Variants in PRKN observed in about 807,000 individuals in gnomAD.
PRKN encodes parkin RBR E3 ubiquitin protein ligase, also known as E3 ubiquitin-protein ligase parkin.
A neutral mutation model predicts 59.5 loss-of-function variants in PRKN; 56 were observed. That is an observed-to-expected ratio of 0.94 (90% CI 0.76 to 1.18). PRKN has a LOEUF of 1.18. PRKN is among the 50% of genes most tolerant of loss of function. The pLI is 0.00. For synonymous variants in PRKN, 250 were observed against 222.1 expected (o/e 1.13, Z -1.12); for missense variants, 657 against 596.4 (o/e 1.10, Z -1.06).
chr6:162,585,848 C>T (rs1043743492), intron 1 of PRKN, among the ~76,000 whole-genome samples: 25 of 151,724 alleles, frequency 1.6e-4, no homozygotes, highest in Non-Finnish European at 3.1e-4. Flanking sequence ...ATTACAGGCG[C>T]GTGCCACCAT....
intron 7 of PRKN, among the ~76,000 whole-genome samples, chr6:161,702,320 C>T (rs1255919500): frequency 6.6e-6 from 1 of 152,146 alleles, no homozygotes; most frequent in Non-Finnish European, 1.5e-5. Flanking sequence ...ACTGGATCTG[C>T]AGCAGCCCAT....
intron 7 of PRKN, among the ~76,000 whole-genome samples, chr6:161,671,387 G>A (rs938858586): frequency 3.3e-5 from 5 of 152,146 alleles, no homozygotes; most frequent in South Asian, 2.1e-4. Context: ...CACTGCAACC[G>A]GCTGCATTGT....
chr6:161,875,608 C>A (rs1233895070), intron 6 of PRKN, among the ~76,000 whole-genome samples: 1 of 152,082 alleles, frequency 6.6e-6, no homozygotes, highest in Non-Finnish European at 1.5e-5. Context: ...GCAGTCCTCA[C>A]AAATCTCCCT....
chr6:162,557,123 C>G (rs1375772056), intron 1 of PRKN, among the ~76,000 whole-genome samples: 1 of 152,226 alleles, frequency 6.6e-6, no homozygotes, highest in East Asian at 1.9e-4. Flanking sequence ...GAAAGCTGAA[C>G]AATTCCTTTT....
intron 1 of PRKN, among the ~76,000 whole-genome samples, chr6:162,667,453 AG>A (rs1159050475): frequency 6.6e-6 from 1 of 152,130 alleles, no homozygotes; most frequent in African/African-American, 2.4e-5. Context: ...AATGATAAAA[AG>A]GATGCAAATT....
chr6:162,302,203 G>A (rs1329434427), intron 2 of PRKN, among the ~76,000 whole-genome samples: 2 of 152,020 alleles, frequency 1.3e-5, no homozygotes, highest in African/African-American at 4.8e-5. Flanking sequence ...CCTCACACCT[G>A]AAAGAGCACG....
At chr6:161,418,828 T>C (rs1016607311) in intron 9 of PRKN, among the ~76,000 whole-genome samples, 17 of 152,344 alleles carry the variant, frequency 1.1e-4, no homozygotes, top group African/African-American at 3.8e-4. Flanking sequence ...ACCATGTTTG[T>C]ACCTCAGATC....
At chr6:162,298,492 C>T (rs1354916899) in intron 2 of PRKN, among the ~76,000 whole-genome samples, 1 of 151,974 alleles carries the variant, frequency 6.6e-6, no homozygotes, top group Non-Finnish European at 1.5e-5. Context: ...TCTGAACTGA[C>T]ACACCCTGGA....
At chr6:162,480,809 ATTCTC>A (rs1177172411) in intron 1 of PRKN, among the ~76,000 whole-genome samples, 1 of 151,746 alleles carries the variant, frequency 6.6e-6, no homozygotes, top group African/African-American at 2.4e-5. Flanking sequence ...ATTTTAACTG[ATTCTC>A]TTTTTTTTTA....
rs184167619 is a variant in PRKN at position 161,869,581 on chromosome 6, C to G, written c.735-83673G>C. Among the ~76,000 whole-genome samples the G allele has an allele frequency of 3.3e-5, 5 of 152,176 alleles. No homozygotes were observed. In the East Asian group the frequency reaches 9.7e-4, roughly 29 times the overall value. On this transcript the variant is annotated intron_variant, in intron 6 of 11. Coordinates refer to ENST00000366898, the MANE Select transcript of PRKN (RefSeq NM_004562.3). Reference sequence around the variant, plus strand: ...TTAAAACGAATGCATCACCTAGAAGCCACATCACCCCGCTTCAACTCAGAC... The same window carrying G: ...TTAAAACGAATGCATCACCTAGAAGGCACATCACCCCGCTTCAACTCAGAC...
At chr6:162,716,428 G>A (rs1188929849) in intron 1 of PRKN, among the ~76,000 whole-genome samples, 1 of 152,186 alleles carries the variant, frequency 6.6e-6, no homozygotes, top group East Asian at 1.9e-4. Context: ...ACAGGACAAT[G>A]TTAAACTATT....
chr6:162,320,314 A>G (rs1469540632), intron 2 of PRKN, among the ~76,000 whole-genome samples: 1 of 140,400 alleles, frequency 7.1e-6, no homozygotes, highest in African/African-American at 2.6e-5. Flanking sequence ...TCCTTTGGGT[A>G]GATACCCAGT....
At chr6:162,383,654 T>C (rs1055997517) in intron 2 of PRKN, among the ~76,000 whole-genome samples, 32 of 152,152 alleles carry the variant, frequency 2.1e-4, no homozygotes, top group Non-Finnish European at 1.5e-5. Flanking sequence ...CCAGGTACAT[T>C]TGCCCTTCAC....
rs1197520335 is a variant in PRKN, at chr6:162,262,759, C to T, written c.178G>A (p.Asp60Asn). ...TGAACAATGCTCTGCTGATCCAGGT[C>T]ACAATTCTGTTTGGGAGCAAGGTAA... ...LRNDWTVQNCDLDQQSIVHIV... is the reference protein window; with the variant it reads ...LRNDWTVQNCNLDQQSIVHIV... The change falls in exon 3 of 12, where the codon GAC becomes AAC. Residue 60 changes from aspartate to asparagine, a missense_variant. Transcript: ENST00000366898. 6.7e-7 allele frequency: 1 copy of T among 1,494,576 alleles called. No homozygotes were observed. The highest frequency in any genetic ancestry group is 9.2e-7 in the Non-Finnish European group (1 of 1,086,196). 92.6% of individuals were successfully genotyped at this position (1,494,576 alleles called of 1,614,324 possible).
intron 7 of PRKN, among the ~76,000 whole-genome samples, chr6:161,715,020 C>A (rs1786913130): frequency 1.3e-5 from 2 of 152,218 alleles, no homozygotes; most frequent in Admixed American, 1.3e-4. Flanking sequence ...CTTCCTAAAA[C>A]ACTTTCATAA....
chr6:162,282,328 T>TA (rs373092744), intron 2 of PRKN, among the ~76,000 whole-genome samples: 10,340 of 150,190 alleles, frequency 0.069, 483 homozygotes, highest in Middle Eastern at 0.16. Flanking sequence ...AAGAGTATAT[T>TA]AAAAAAAAAA....
intron 7 of PRKN, among the ~76,000 whole-genome samples, chr6:161,587,548 C>T (rs1055607267): frequency 6.6e-6 from 1 of 151,988 alleles, no homozygotes; most frequent in Non-Finnish European, 1.5e-5. Context: ...TACTTTAATG[C>T]TATCCTGAGG....
Position 161,400,100 on chromosome 6 carries a change from G to C in PRKN, c.1084-13223C>G, listed in dbSNP as rs1355545612. On this transcript the variant is annotated intron_variant, in intron 9 of 11. Coordinates refer to ENST00000366898, the MANE Select transcript of PRKN (RefSeq NM_004562.3). This position sits in a 1 kb window ranked among gnomAD's most constrained non-coding sequence, Gnocchi z 4.2. Reference sequence around the variant, plus strand: ...CCTCACGTGGGCACCATGTTGGACAGGAGCCTCACAGGGCTAGTGGCCACC... The same window carrying C: ...CCTCACGTGGGCACCATGTTGGACACGAGCCTCACAGGGCTAGTGGCCACC... Among the ~76,000 whole-genome samples, 1 of 152,082 alleles carries C rather than the reference G, an allele frequency of 6.6e-6. No individual in the cohort carries two copies. The highest frequency in any genetic ancestry group is 1.5e-5 in the Non-Finnish European group (1 of 68,016).
chr6:162,593,752 A>C (rs1286580047), intron 1 of PRKN, among the ~76,000 whole-genome samples: 1 of 152,230 alleles, frequency 6.6e-6, no homozygotes, highest in Non-Finnish European at 1.5e-5. Context: ...GGACAGGAAC[A>C]GCTTTTAGCA....
Sources: allele counts gnomAD v4.1 joint callset (sites outside exome capture counted in the v4.1 genomes callset), GRCh38; gene constraint gnomAD v4.1.1; non-coding constraint Gnocchi (gnomAD v3.1); transcripts MANE v1.5; gene names NCBI Gene and HGNC (gene_info 2026-07-23, HGNC 2026-07-21).